FHIT: variants seen among roughly 807,000 people sequenced by gnomAD.
FHIT encodes bis(5'-adenosyl)-triphosphatase.
In FHIT, 19 loss-of-function variants were observed where a neutral mutation model predicts 17.9. The ratio of observed to expected loss-of-function variants is 1.06; its 90% CI spans 0.74 to 1.56. The LOEUF (loss-of-function observed/expected upper bound fraction) is 1.56. Ranked by LOEUF, FHIT falls within the 40% of genes most tolerant of loss-of-function variation. The pLI is 0.00. For synonymous variants in FHIT, 81 were observed against 69.7 expected, an observed-to-expected ratio of 1.16 and a Z score of -0.81; for missense variants, 248 against 189.2, an observed-to-expected ratio of 1.31 and a Z score of -1.82.
intron 5 of FHIT, among the ~76,000 whole-genome samples, chr3:60,291,762 T>C (rs1308048890): frequency 6.6e-6 from 1 of 152,068 alleles, no homozygotes; most frequent in Non-Finnish European, 1.5e-5. Context: ...CTGGTATCTT[T>C]ATGAGAGAAA....
chr3:60,038,457 C>T (rs530284695), intron 5 of FHIT, among the ~76,000 whole-genome samples: 3 of 152,238 alleles, frequency 2.0e-5, no homozygotes, highest in Non-Finnish European at 2.9e-5. Flanking sequence ...AAAACAAGTG[C>T]CCTTAAATAA....
At chr3:60,032,526 A>C (rs1250295140) in intron 5 of FHIT, among the ~76,000 whole-genome samples, 1 of 152,212 alleles carries the variant, frequency 6.6e-6, no homozygotes, top group Non-Finnish European at 1.5e-5. Context: ...ACAGCCAAAA[A>C]GGTGACTGAA....
chr3:61,208,182 G>C (rs1192667365), intron 1 of FHIT, among the ~76,000 whole-genome samples: 2 of 152,176 alleles, frequency 1.3e-5, no homozygotes, highest in Admixed American at 1.3e-4. Flanking sequence ...CTGAGAGACA[G>C]TTTCTTCTAA....
At chr3:60,272,974 A>T (rs1706940362) in intron 5 of FHIT, among the ~76,000 whole-genome samples, 1 of 152,228 alleles carries the variant, frequency 6.6e-6, no homozygotes, top group African/African-American at 2.4e-5. Context: ...CTCCATTCAA[A>T]TCAATTCGCC....
chr3:60,818,650 G>C (rs758063557), intron 4 of FHIT, among the ~76,000 whole-genome samples: 18 of 151,984 alleles, frequency 1.2e-4, no homozygotes, highest in Admixed American at 5.9e-4. Context: ...AACTCTTTTT[G>C]TCTGAAAGTT....
At chr3:60,742,804 G>A (rs1381402864) in intron 4 of FHIT, among the ~76,000 whole-genome samples, 1 of 152,164 alleles carries the variant, frequency 6.6e-6, no homozygotes, top group Non-Finnish European at 1.5e-5. Context: ...TAGCGCTTAA[G>A]GATATCAAAT....
chr3:60,245,298 C>T (rs1705335380), intron 5 of FHIT, among the ~76,000 whole-genome samples: 1 of 152,044 alleles, frequency 6.6e-6, no homozygotes, highest in South Asian at 2.1e-4. Context: ...CTTTAACATA[C>T]ATATTGTCAA....
chr3:60,794,988 T>C (rs1321222223), intron 4 of FHIT, among the ~76,000 whole-genome samples: 6 of 152,230 alleles, frequency 3.9e-5, no homozygotes, highest in African/African-American at 1.4e-4. Context: ...TTCCCCCAGA[T>C]GCAATCATTG....
At chr3:60,810,961 G>A (rs1701553995) in intron 4 of FHIT, among the ~76,000 whole-genome samples, 1 of 152,200 alleles carries the variant, frequency 6.6e-6, no homozygotes, top group African/African-American at 2.4e-5. Flanking sequence ...CTTGGTGACA[G>A]AGAGATAGGG....
chr3:60,933,183 A>G (rs2107376001), intron 3 of FHIT, among the ~76,000 whole-genome samples: 1 of 152,336 alleles, frequency 6.6e-6, no homozygotes, highest in South Asian at 2.1e-4. Context: ...AGTTGTGTGT[A>G]GAATAACTCA....
In FHIT at chr3:60,559,866, T is replaced by G. The variant is rs188022844; in HGVS notation, c.-17-22887A>C. On this transcript the variant is annotated intron_variant, in intron 4 of 9. Transcript: ENST00000492590. ...ACTGCTTCAGCTTATTGCTAAGATG[T>G]TGGAGTCTTCCTGTGTTGGTGGCCA... Among the ~76,000 whole-genome samples the G allele has an allele frequency of 8.4e-4, 128 of 152,320 alleles. 2 individuals carry two copies. Among genetic ancestry groups the G allele is most frequent in the African/African-American group, 2.8e-3 (118 of 41,576 alleles).
intron 1 of FHIT, among the ~76,000 whole-genome samples, chr3:61,229,277 G>A (rs989262662): frequency 4.6e-5 from 7 of 152,256 alleles, no homozygotes; most frequent in African/African-American, 1.4e-4. Context: ...AGAAGATATA[G>A]AAGAGAAGGC....
intron 5 of FHIT, among the ~76,000 whole-genome samples, chr3:60,279,493 G>T (rs1243702196): frequency 1.3e-5 from 2 of 152,092 alleles, no homozygotes; most frequent in African/African-American, 4.8e-5. Context: ...AGCACAAAAT[G>T]ATAGCAATTC....
At chr3:60,660,368 C>T (rs1388212603) in intron 4 of FHIT, among the ~76,000 whole-genome samples, 1 of 152,094 alleles carries the variant, frequency 6.6e-6, no homozygotes, top group South Asian at 2.1e-4. Context: ...TGTGTGCAGG[C>T]TACTCCTGGA....
At chr3:60,067,196 T>C (rs1401052622) in intron 5 of FHIT, among the ~76,000 whole-genome samples, 1 of 152,266 alleles carries the variant, frequency 6.6e-6, no homozygotes, top group East Asian at 1.9e-4. Context: ...AGATAGCAAA[T>C]ATATTTATAT....
At chr3:61,170,413 G>A (rs2037969482) in intron 2 of FHIT, among the ~76,000 whole-genome samples, 1 of 152,032 alleles carries the variant, frequency 6.6e-6, no homozygotes. Flanking sequence ...TACATATGCA[G>A]GCTTGTTACA....
At chr3:60,181,471 A>C (rs953874435) in intron 5 of FHIT, among the ~76,000 whole-genome samples, 2 of 152,118 alleles carry the variant, frequency 1.3e-5, no homozygotes, top group African/African-American at 4.8e-5. Context: ...TCCTCATTTT[A>C]CAGATGGGAA....
At chr3:60,059,041 T>G (rs1451887110) in intron 5 of FHIT, among the ~76,000 whole-genome samples, 2 of 152,102 alleles carry the variant, frequency 1.3e-5, no homozygotes, top group African/African-American at 4.8e-5. Flanking sequence ...AGGTAGGTAG[T>G]CAGGCGTGAT....
chr3:60,729,624 C>T (rs371193480), intron 4 of FHIT, among the ~76,000 whole-genome samples: 2 of 152,214 alleles, frequency 1.3e-5, no homozygotes, highest in East Asian at 3.9e-4. Context: ...AAAATGAATC[C>T]TTAATAGCTT....
Sources: allele counts gnomAD v4.1 joint callset (sites outside exome capture counted in the v4.1 genomes callset), GRCh38; gene constraint gnomAD v4.1.1; transcripts MANE v1.5; gene names NCBI Gene and HGNC (gene_info 2026-07-23, HGNC 2026-07-21).